The following MAML2 variants were observed in gnomAD, a reference collection of about 807,000 sequenced individuals.
MAML2 encodes the protein mastermind like transcriptional coactivator 2.
Under a neutral mutation model 96.1 loss-of-function variants are expected in MAML2, and 22 were observed. That is an observed-to-expected ratio of 0.23 (90% CI 0.16 to 0.33). The LOEUF (loss-of-function observed/expected upper bound fraction) is 0.33, where lower values mean the gene tolerates loss of function less well. MAML2 is among the 10% of genes least tolerant of loss of function. The probability of loss-of-function intolerance (pLI) is 1.00; values close to 1 mark genes in which losing one functional copy is unlikely to be tolerated. For missense variants in MAML2, 1,367 were observed against 1,392.4 expected (o/e 0.98, Z 0.29); for synonymous variants, 561 against 521.3 (o/e 1.08, Z -1.04).
chr11:96,128,442 G>A (rs1005056172), intron 1 of MAML2, among the ~76,000 whole-genome samples: 3 of 152,112 alleles, frequency 2.0e-5, no homozygotes, highest in Non-Finnish European at 2.9e-5. Flanking sequence ...TCTTGAGAAG[G>A]AAGGCCTTTG....
At position 96,298,425 on chromosome 11, in the gene MAML2, CAGA is replaced by C. The variant is rs570257914; in HGVS notation, c.513+42955_513+42957del. On this transcript the variant is annotated intron_variant, in intron 1 of 4. Transcript: ENST00000524717. ...GCTAAGTTGAAGGTTAGCCTTGAAC[CAGA>C]AGAAGAACATCCTTTCCTCTGAGAC... is the stretch of plus-strand genomic sequence containing the variant. Among the ~76,000 whole-genome samples the C allele has an allele frequency of 1.4e-3, 208 of 152,180 alleles. 2 individuals are homozygous for C. Among genetic ancestry groups the C allele is most frequent in the Middle Eastern group, 6.8e-3 (2 of 294 alleles).
intron 1 of MAML2, among the ~76,000 whole-genome samples, chr11:96,179,338 A>G (rs1160194867): frequency 6.6e-6 from 1 of 152,226 alleles, no homozygotes; most frequent in Non-Finnish European, 1.5e-5. Flanking sequence ...TCAAGTAACA[A>G]TATCAAAGAG....
chr11:96,306,061 T>A (rs1004380788), intron 1 of MAML2, among the ~76,000 whole-genome samples: 3 of 150,198 alleles, frequency 2.0e-5, no homozygotes, highest in African/African-American at 7.6e-5. Flanking sequence ...TCAAATTATG[T>A]ATATATAATT....
chr11:96,129,918 A>C (rs1023451825), intron 1 of MAML2, among the ~76,000 whole-genome samples: 2 of 152,200 alleles, frequency 1.3e-5, no homozygotes, highest in Non-Finnish European at 2.9e-5. Flanking sequence ...AAAGCTCCCC[A>C]TTTGGATCTA....
intron 2 of MAML2, among the ~76,000 whole-genome samples, chr11:96,047,958 A>AAAC (rs1858933082): frequency 6.6e-6 from 1 of 151,930 alleles, no homozygotes; most frequent in Non-Finnish European, 1.5e-5. Context: ...GAGAAAGAAA[A>AAAC]AACAACAAAA....
At chr11:96,032,359 C>A (rs145872727) in intron 2 of MAML2, among the ~76,000 whole-genome samples, 12 of 152,206 alleles carry the variant, frequency 7.9e-5, no homozygotes, top group African/African-American at 2.6e-4. Flanking sequence ...GAGGCCGAGG[C>A]AGGTGGATCA....
intron 1 of MAML2, among the ~76,000 whole-genome samples, chr11:96,314,618 C>A (rs958473061): frequency 6.6e-6 from 1 of 152,210 alleles, no homozygotes; most frequent in East Asian, 1.9e-4. Context: ...CTAAGATAAC[C>A]TAAAACACAG....
intron 1 of MAML2, among the ~76,000 whole-genome samples, chr11:96,219,329 C>T (rs57437186): frequency 0.014 from 2,110 of 152,314 alleles, 24 homozygotes; most frequent in Non-Finnish European, 0.023. Context: ...CAAAAACCAG[C>T]TATAATTCCA....
At chr11:96,230,873 A>C (rs1184529621) in intron 1 of MAML2, among the ~76,000 whole-genome samples, 1 of 152,226 alleles carries the variant, frequency 6.6e-6, no homozygotes, top group East Asian at 1.9e-4. Context: ...AGAGATCATC[A>C]CACTCACTTC....
At chr11:96,209,330 G>T (rs1330983952) in intron 1 of MAML2, among the ~76,000 whole-genome samples, 1 of 151,888 alleles carries the variant, frequency 6.6e-6, no homozygotes, top group Non-Finnish European at 1.5e-5. Context: ...TTATGCATTG[G>T]ACTCTAGGGA....
chr11:96,113,188 A>C (rs1860162584), intron 1 of MAML2, among the ~76,000 whole-genome samples: 1 of 152,000 alleles, frequency 6.6e-6, no homozygotes. Context: ...AAAAAAAAAA[A>C]AACTTTGAGG....
At chr11:96,177,705 G>C (rs907796130) in intron 1 of MAML2, among the ~76,000 whole-genome samples, 1 of 152,094 alleles carries the variant, frequency 6.6e-6, no homozygotes, top group Non-Finnish European at 1.5e-5. Context: ...CATTTGTCCT[G>C]AAATTATTAG....
intron 4 of MAML2, among the ~76,000 whole-genome samples, chr11:95,981,641 GTCTCTTGTA>G (rs1287767727): frequency 2.0e-5 from 3 of 152,138 alleles, no homozygotes; most frequent in African/African-American, 7.2e-5. Flanking sequence ...GGCAAGAACA[GTCTCTTGTA>G]TCTCCTTGTA....
intron 1 of MAML2, among the ~76,000 whole-genome samples, chr11:96,191,876 C>T (rs1861659044): frequency 6.6e-6 from 1 of 151,860 alleles, no homozygotes; most frequent in Non-Finnish European, 1.5e-5. Flanking sequence ...CTAGGACCAA[C>T]ACATGGAGTT....
chr11:96,117,908 T>C (rs1860272091), intron 1 of MAML2, among the ~76,000 whole-genome samples: 1 of 152,230 alleles, frequency 6.6e-6, no homozygotes, highest in Non-Finnish European at 1.5e-5. Context: ...TTCTGTTCTC[T>C]TCTTTATATA....
At chr11:96,030,762 C>G (rs1166029121) in intron 2 of MAML2, among the ~76,000 whole-genome samples, 1 of 152,138 alleles carries the variant, frequency 6.6e-6, no homozygotes, top group Non-Finnish European at 1.5e-5. Context: ...TAAAGGCAGC[C>G]AAGCAGGCAG....
chr11:96,272,827 C>G (rs1041573731), intron 1 of MAML2, among the ~76,000 whole-genome samples: 3 of 152,182 alleles, frequency 2.0e-5, no homozygotes, highest in Non-Finnish European at 4.4e-5. Context: ...ACTTAGTGCT[C>G]TTTGTGCTAC....
At chr11:95,991,478 GGTC>G in intron 3 of MAML2, 39 bp downstream of exon 3, 1 of 1,562,172 alleles carries the variant, frequency 6.4e-7, no homozygotes. Flanking sequence ...CCCTCTGTTG[GGTC>G]AACAGGTTTG....
Position 96,120,016 on chromosome 11 carries a change from G to T in MAML2, c.514-26499C>A, listed in dbSNP as rs545100421. ...TCTGTTACCCAGGCTGGAGTGCAGT[G>T]ACACGATCTCAGCTCACTGCAAGCT... is the stretch of plus-strand genomic sequence containing the variant. On this transcript the variant is annotated intron_variant, in intron 1 of 4. Transcript: ENST00000524717. Among the ~76,000 whole-genome samples, 6 of 142,802 alleles carry T rather than the reference G, an allele frequency of 4.2e-5. No individual in the cohort carries two copies. In the South Asian group the frequency reaches 8.8e-4, roughly 21 times the overall value. 93.7% of individuals were successfully genotyped at this position (142,802 alleles called of 152,430 possible). A position where few individuals can be genotyped will look rare whatever the true frequency, so the allele number is the denominator to read the frequency against.
Sources: allele counts gnomAD v4.1 joint callset (sites outside exome capture counted in the v4.1 genomes callset), GRCh38; gene constraint gnomAD v4.1.1; transcripts MANE v1.5; gene names NCBI Gene and HGNC (gene_info 2026-07-23, HGNC 2026-07-21).